The following ATP2B2 variants were observed in gnomAD, a reference collection of about 807,000 sequenced individuals.
The protein encoded by ATP2B2 is ATPase plasma membrane Ca2+ transporting 2.
ATP2B2 carries 15 observed loss-of-function variants against 120.0 expected under a neutral mutation model. The observed-to-expected ratio is 0.12, with a 90% CI of 0.08 to 0.19. The LOEUF is 0.19. Among genes scored for constraint, ATP2B2 ranks in the 10% least tolerant of loss-of-function variants. The pLI, the probability that ATP2B2 is intolerant of heterozygous loss-of-function variation, is 1.00. For synonymous variants in ATP2B2, 694 were observed against 700.3 expected (o/e 0.99, Z 0.14); for missense variants, 1,045 against 1,719.8 (o/e 0.61, Z 6.94).
intron 1 of ATP2B2, among the ~76,000 whole-genome samples, chr3:10,684,862 A>AT (rs1480738886): frequency 1.3e-5 from 2 of 152,226 alleles, no homozygotes; most frequent in Non-Finnish European, 2.9e-5. Flanking sequence ...CGAGACAATG[A>AT]TAAAATCAAG....
intron 22 of ATP2B2, among the ~76,000 whole-genome samples, chr3:10,332,971 G>T (rs1032051073): frequency 6.6e-6 from 1 of 152,190 alleles, no homozygotes; most frequent in African/African-American, 2.4e-5. Flanking sequence ...TTAGTCAGAA[G>T]AGTGCACCAA....
chr3:10,601,274 C>T (rs2068911745), intron 2 of ATP2B2, among the ~76,000 whole-genome samples: 1 of 152,186 alleles, frequency 6.6e-6, no homozygotes. Flanking sequence ...AGAATTGGCA[C>T]AGAGGAGTCC....
chr3:10,432,134 G>A (rs911285867), intron 2 of ATP2B2, among the ~76,000 whole-genome samples: 4 of 152,222 alleles, frequency 2.6e-5, no homozygotes, highest in Admixed American at 6.5e-5. Context: ...CCAGGCAGGC[G>A]CTGGTTTGGA....
rs148769054 is a variant in ATP2B2, at chr3:10,411,270, C to T, written c.200-455G>A. Among the ~76,000 whole-genome samples, 1,236 of 152,274 alleles carry T rather than the reference C, an allele frequency of 8.1e-3. 15 individuals carry two copies. The highest frequency in any genetic ancestry group is 0.028 in the Admixed American group (425 of 15,298). ...CCAGGAAATGTCTGGGGGCACCAGA[C>T]GCTGGAAGAGGCAAGGAAGGATTGT... On this transcript the variant is annotated intron_variant, in intron 2 of 22. Coordinates refer to ENST00000360273, the MANE Select transcript of ATP2B2 (RefSeq NM_001001331.4).
At chr3:10,666,309 G>C (rs186168829) in intron 1 of ATP2B2, among the ~76,000 whole-genome samples, 1 of 152,264 alleles carries the variant, frequency 6.6e-6, no homozygotes, top group Non-Finnish European at 1.5e-5. Context: ...TGTTTCCTTC[G>C]GGGGTAAAAG....
chr3:10,507,559 T>C (rs981665996), upstream of ATP2B2, among the ~76,000 whole-genome samples: 6 of 152,184 alleles, frequency 3.9e-5, no homozygotes, highest in African/African-American at 1.4e-4. Flanking sequence ...GCACCTCCCA[T>C]CTGTTGCCAG....
chr3:10,341,445 G>A (rs2060273173), intron 19 of ATP2B2, among the ~76,000 whole-genome samples: 1 of 152,080 alleles, frequency 6.6e-6, no homozygotes. Flanking sequence ...CAAGTAGCTG[G>A]GATTACAGGT....
intron 2 of ATP2B2, among the ~76,000 whole-genome samples, chr3:10,583,091 T>G (rs1315940631): frequency 6.6e-6 from 1 of 152,234 alleles, no homozygotes; most frequent in East Asian, 1.9e-4. Flanking sequence ...AAGATTCTTG[T>G]GCATTTGTCA....
At chr3:10,677,708 C>T (rs1408410995) in intron 1 of ATP2B2, among the ~76,000 whole-genome samples, 1 of 152,066 alleles carries the variant, frequency 6.6e-6, no homozygotes, top group Non-Finnish European at 1.5e-5. Context: ...TACTCTAAAA[C>T]AATAGTGGCT....
chr3:10,456,434 G>A (rs900918359), intron 1 of ATP2B2, among the ~76,000 whole-genome samples: 10 of 152,138 alleles, frequency 6.6e-5, no homozygotes, highest in African/African-American at 1.7e-4. Context: ...ATGTGACTTG[G>A]GCAGGGCTCT....
chr3:10,576,926 T>C (rs961904452), intron 2 of ATP2B2, among the ~76,000 whole-genome samples: 158 of 151,460 alleles, frequency 1.0e-3, no homozygotes, highest in African/African-American at 1.5e-3. Context: ...TGGTGGCGGG[T>C]GCCTGTAGTC....
Position 10,360,122 on chromosome 3 carries a change from G to T in ATP2B2, c.1661C>A (p.Pro554His). ...INSAYTTKIL[P>H]PEKEGALPRQ... Reference sequence around the variant, plus strand: ...AGGCAGGGCGCCCTCCTTCTCTGGGGGCTGCAGAGAGAGGAAGGAGCGGCT... The same window carrying T: ...AGGCAGGGCGCCCTCCTTCTCTGGGTGCTGCAGAGAGAGGAAGGAGCGGCT... Residue 554 changes from proline to histidine, a missense_variant and splice_region_variant, in exon 13 of 23, where the codon CCC (proline) becomes CAC (histidine). Coordinates refer to ENST00000360273, the MANE Select transcript of ATP2B2 (RefSeq NM_001001331.4). 6.3e-7 allele frequency: 1 copy of T among 1,590,904 alleles called. No individual in the cohort carries two copies.
intron 2 of ATP2B2, among the ~76,000 whole-genome samples, chr3:10,417,108 G>A (rs2062817471): frequency 6.9e-6 from 1 of 145,430 alleles, no homozygotes; most frequent in Non-Finnish European, 1.5e-5. Context: ...TTTCCCAGAA[G>A]GTGGGTGGCC....
intron 1 of ATP2B2, among the ~76,000 whole-genome samples, chr3:10,683,336 G>A (rs904727297): frequency 2.6e-5 from 4 of 151,848 alleles, no homozygotes; most frequent in Non-Finnish European, 5.9e-5. Flanking sequence ...GGAATGTGAG[G>A]GAAGATACCG....
chr3:10,412,740 C>A (rs2062653948), intron 2 of ATP2B2, among the ~76,000 whole-genome samples: 2 of 152,206 alleles, frequency 1.3e-5, no homozygotes, highest in South Asian at 2.1e-4. Flanking sequence ...GGCCTGGCAC[C>A]TGAAGCCTTA....
chr3:10,446,420 G>C (rs73117777), intron 2 of ATP2B2, among the ~76,000 whole-genome samples: 2,591 of 152,286 alleles, frequency 0.017, 88 homozygotes, highest in African/African-American at 0.059. Context: ...AGAACTACCC[G>C]TGTGTCAGGG....
chr3:10,691,615 A>AGC, intron 1 of ATP2B2, among the ~76,000 whole-genome samples: 1 of 152,204 alleles, frequency 6.6e-6, no homozygotes, highest in Non-Finnish European at 1.5e-5. Flanking sequence ...AAAGCCAGAA[A>AGC]CCAGGAGGAG....
intron 1 of ATP2B2, among the ~76,000 whole-genome samples, chr3:10,706,206 A>G (rs1023496518): frequency 3.9e-5 from 6 of 152,190 alleles, no homozygotes; most frequent in African/African-American, 1.2e-4. Flanking sequence ...GAATGAATGA[A>G]TGAATGAGCC....
intron 2 of ATP2B2, among the ~76,000 whole-genome samples, chr3:10,581,937 T>C (rs991877822): frequency 6.6e-6 from 1 of 152,174 alleles, no homozygotes; most frequent in African/African-American, 2.4e-5. Flanking sequence ...AAGATCCAAG[T>C]TCAGCAAATA....
Sources: gnomAD v4.1 joint callset for allele counts (sites outside exome capture counted in the v4.1 genomes callset) on GRCh38, gnomAD v4.1.1 for gene constraint, MANE v1.5 for transcripts, NCBI Gene and HGNC (gene_info 2026-07-23, HGNC 2026-07-21) for gene names.